PPP1R12A: variants seen among roughly 807,000 people sequenced by gnomAD.
The protein encoded by PPP1R12A is protein phosphatase 1 regulatory subunit 12A, also known as myosin binding subunit.
In PPP1R12A, 19 loss-of-function variants were observed where a neutral mutation model predicts 139.6. The observed-to-expected ratio is 0.14, with a 90% CI of 0.09 to 0.20. The LOEUF is 0.20. Among genes scored for constraint, PPP1R12A ranks in the 10% least tolerant of loss-of-function variants. PPP1R12A has a pLI of 1.00. For missense variants in PPP1R12A, 925 were observed against 1,211.5 expected (o/e 0.76, Z 3.51); for synonymous variants, 427 against 420.6 (o/e 1.02, Z -0.19).
At chr12:79,884,145 T>C (rs1462358110) in intron 1 of PPP1R12A, among the ~76,000 whole-genome samples, 3 of 152,184 alleles carry the variant, frequency 2.0e-5, no homozygotes, top group African/African-American at 7.2e-5. Flanking sequence ...TTTTGAGTAA[T>C]CCTTTGACAC....
At chr12:79,927,050 G>A (rs1324297381) in intron 1 of PPP1R12A, among the ~76,000 whole-genome samples, 4 of 151,300 alleles carry the variant, frequency 2.6e-5, no homozygotes, top group Non-Finnish European at 5.9e-5. Context: ...AAAATTAGCT[G>A]GAAGTGGTGG....
intron 20 of PPP1R12A, 87 bp from the exon 21 acceptor site, chr12:79,788,870 A>T: frequency 8.9e-7 from 1 of 1,124,810 alleles, no homozygotes; most frequent in Non-Finnish European, 1.2e-6. Flanking sequence ...ATAACTTGAC[A>T]GTTCAAAAGA....
At chr12:79,910,673 TAAAC>T (rs1242181403) in intron 1 of PPP1R12A, among the ~76,000 whole-genome samples, 2 of 152,182 alleles carry the variant, frequency 1.3e-5, no homozygotes, top group African/African-American at 4.8e-5. Flanking sequence ...TGTATATATG[TAAAC>T]AAACACACAT....
intron 2 of PPP1R12A, among the ~76,000 whole-genome samples, chr12:79,851,604 G>A (rs551111528): frequency 6.6e-6 from 1 of 152,232 alleles, no homozygotes; most frequent in South Asian, 2.1e-4. Context: ...CCATGTCTTG[G>A]TGTGGACTGC....
intron 1 of PPP1R12A, among the ~76,000 whole-genome samples, chr12:79,875,181 G>A (rs1180141148): frequency 6.6e-6 from 1 of 152,102 alleles, no homozygotes; most frequent in Non-Finnish European, 1.5e-5. Context: ...CCTGTCCTAT[G>A]AGATAGGTTG....
intron 1 of PPP1R12A, among the ~76,000 whole-genome samples, chr12:79,888,518 G>A (rs191873796): frequency 6.6e-6 from 1 of 152,174 alleles, no homozygotes; most frequent in Admixed American, 6.6e-5. Context: ...GCTTGAAGAG[G>A]CAGGAGGGAA....
Position 79,798,608 on chromosome 12 carries a change from G to A in PPP1R12A, c.2001-24C>T, listed in dbSNP as rs1443246220. ...ATCTACAGTAGTAAATTGAAAAATCGTTAGTTGTAAATACAATACCTGTGA... is the reference window on the plus strand; with the variant it reads ...ATCTACAGTAGTAAATTGAAAAATCATTAGTTGTAAATACAATACCTGTGA... On this transcript the variant is annotated intron_variant, in intron 14 of 24. Coordinates refer to ENST00000450142, the MANE Select transcript of PPP1R12A (RefSeq NM_002480.3). The A allele has an allele frequency of 5.8e-6, 8 of 1,382,340 alleles. No individual in the cohort carries two copies. The Admixed American group carries it at 6.1e-5, about 11-fold the overall frequency. The allele number at this position is 1,382,340 out of a possible 1,614,324, so 85.6% of individuals were successfully genotyped here. A position where few individuals can be genotyped will look rare whatever the true frequency, so the allele number is the denominator to read the frequency against.
chr12:79,830,914 G>A (rs945398643), intron 4 of PPP1R12A, among the ~76,000 whole-genome samples: 2 of 152,104 alleles, frequency 1.3e-5, no homozygotes, highest in African/African-American at 4.8e-5. Context: ...GGAAGACAGT[G>A]TCTAGATAAT....
chr12:79,869,256 T>A (rs368449208), intron 2 of PPP1R12A, among the ~76,000 whole-genome samples: 33 of 152,342 alleles, frequency 2.2e-4, no homozygotes, highest in African/African-American at 7.7e-4. Flanking sequence ...AATGTAAAAT[T>A]GTTAAATGCC....
chr12:79,809,612 T>C (rs917944788), intron 10 of PPP1R12A, among the ~76,000 whole-genome samples, 183 bp downstream of exon 10: 1 of 152,196 alleles, frequency 6.6e-6, no homozygotes, highest in Non-Finnish European at 1.5e-5. Flanking sequence ...TTTAGGCAAA[T>C]ACATCTGATC....
At chr12:79,855,749 T>C (rs1302645022) in intron 2 of PPP1R12A, among the ~76,000 whole-genome samples, 1 of 152,044 alleles carries the variant, frequency 6.6e-6, no homozygotes, top group Non-Finnish European at 1.5e-5. Context: ...AGATAAAGAC[T>C]ACAAATAGCC....
chr12:79,819,265 T>A (rs1875794373), intron 8 of PPP1R12A: 1 of 152,180 alleles, frequency 6.6e-6, no homozygotes, highest in Non-Finnish European at 1.5e-5. Context: ...TATAGCCCGA[T>A]TTTTCTCATT....
At chr12:79,894,997 A>G (rs1885005422) in intron 1 of PPP1R12A, among the ~76,000 whole-genome samples, 1 of 152,210 alleles carries the variant, frequency 6.6e-6, no homozygotes, top group African/African-American at 2.4e-5. Flanking sequence ...TAAGAGTACA[A>G]AAAAATCACG....
intron 4 of PPP1R12A, among the ~76,000 whole-genome samples, chr12:79,831,643 T>C (rs936546146): frequency 6.6e-6 from 1 of 152,190 alleles, no homozygotes; most frequent in Non-Finnish European, 1.5e-5. Context: ...AAAGGTGCAG[T>C]AGATTTTGCT....
intron 24 of PPP1R12A, among the ~76,000 whole-genome samples, chr12:79,776,965 G>A (rs1195393839): frequency 2.0e-5 from 3 of 151,926 alleles, no homozygotes; most frequent in Non-Finnish European, 4.4e-5. Context: ...TCTTTAAGAA[G>A]ATTTAATTTT....
chr12:79,860,881 A>T (rs2137280325), intron 2 of PPP1R12A, among the ~76,000 whole-genome samples: 1 of 152,330 alleles, frequency 6.6e-6, no homozygotes, highest in South Asian at 2.1e-4. Flanking sequence ...TGGTGGCGGC[A>T]TTATTATACT....
At chr12:79,805,911 A>G in intron 13 of PPP1R12A, 143 bp from the exon 14 acceptor site, 1 of 1,007,588 alleles carries the variant, frequency 9.9e-7, no homozygotes, top group Non-Finnish European at 1.4e-6. Flanking sequence ...ATTATGAACC[A>G]AAAAGCTCAC....
intron 1 of PPP1R12A, among the ~76,000 whole-genome samples, chr12:79,885,043 A>T (rs1443126251): frequency 6.6e-6 from 1 of 152,212 alleles, no homozygotes; most frequent in Non-Finnish European, 1.5e-5. Flanking sequence ...TTAAACAAAC[A>T]TAATTAAATT....
chr12:79,890,901 C>A (rs12423198), intron 1 of PPP1R12A, among the ~76,000 whole-genome samples: 1,431 of 30,794 alleles, frequency 0.046, 19 homozygotes, highest in East Asian at 0.21. Context: ...CCACCCACAC[C>A]CACCCACACA....
Sources: allele counts gnomAD v4.1 joint callset (sites outside exome capture counted in the v4.1 genomes callset), GRCh38; gene constraint gnomAD v4.1.1; transcripts MANE v1.5; gene names NCBI Gene and HGNC (gene_info 2026-07-23, HGNC 2026-07-21).